Variants in PVT1 observed in about 807,000 individuals in gnomAD.
The protein encoded by PVT1 is Pvt1 oncogene, also known as CXCR4/PVT1 fusion.
At chr8:127,920,101 G>A (rs1816039254) in intron 3 of PVT1, among the ~76,000 whole-genome samples, 1 of 152,182 alleles carries the variant, frequency 6.6e-6, no homozygotes, top group African/African-American at 2.4e-5. Context: ...TGCAGACAGA[G>A]CTTGCCTAGG....
chr8:127,857,153 G>A (rs1432788201), intron 2 of PVT1, among the ~76,000 whole-genome samples: 2 of 152,142 alleles, frequency 1.3e-5, no homozygotes, highest in Non-Finnish European at 2.9e-5. Flanking sequence ...TTGAACATGG[G>A]AGGAAGAAGT....
intron 3 of PVT1, among the ~76,000 whole-genome samples, chr8:127,924,554 C>G (rs893970363): frequency 6.8e-6 from 1 of 146,244 alleles, no homozygotes; most frequent in Non-Finnish European, 1.5e-5. Context: ...CTCTGTTGCC[C>G]AGGCTGGAGT....
chr8:128,003,412 C>T (rs1268212968), intron 4 of PVT1, among the ~76,000 whole-genome samples: 2 of 151,424 alleles, frequency 1.3e-5, no homozygotes, highest in Non-Finnish European at 2.9e-5. Context: ...GTGGAAGGAT[C>T]ATGGCCCACT....
At chr8:128,005,814 C>T (rs145222614) in intron 4 of PVT1, among the ~76,000 whole-genome samples, 256 of 152,126 alleles carry the variant, frequency 1.7e-3, no homozygotes, top group African/African-American at 5.9e-3. Context: ...CTCTAAAAGA[C>T]GTTTCAAGGC....
chr8:128,029,083 TC>T (rs1813358668), intron 4 of PVT1, among the ~76,000 whole-genome samples: 1 of 149,188 alleles, frequency 6.7e-6, no homozygotes, highest in African/African-American at 2.5e-5. Context: ...ACTCAGGTAA[TC>T]CTCCCACCTT....
At chr8:127,796,594 G>A (rs1031749555) in intron 2 of PVT1, among the ~76,000 whole-genome samples, 4 of 152,102 alleles carry the variant, frequency 2.6e-5, no homozygotes, top group Non-Finnish European at 4.4e-5. Flanking sequence ...TGGCAGCTTT[G>A]TCAAGAGATC....
At chr8:127,851,019 T>A (rs77146244) in intron 2 of PVT1, among the ~76,000 whole-genome samples, 10,368 of 148,822 alleles carry the variant, frequency 0.07, 431 homozygotes, top group African/African-American at 0.098. Context: ...AAAAAAAAAT[T>A]AAAAAAAAAT....
rs1408679628 is a variant in PVT1 at position 127,814,107 on chromosome 8, T to A, written n.372+18036T>A. Reference sequence around the variant, plus strand: ...CGCAGATGGGAAATTATTTTTGCACTTTCAGTTGTCCTAAATCTAGAGTTT... The same window carrying A: ...CGCAGATGGGAAATTATTTTTGCACATTCAGTTGTCCTAAATCTAGAGTTT... On this transcript the variant is annotated intron_variant and non_coding_transcript_variant, in intron 2 of 10. Transcript: ENST00000651587. Among the ~76,000 whole-genome samples, 5 of 152,342 alleles carry A rather than the reference T, an allele frequency of 3.3e-5. No homozygotes were observed. The East Asian group carries it at 9.6e-4, about 29-fold the overall frequency.
At chr8:127,858,691 A>G (rs947165409) in intron 2 of PVT1, among the ~76,000 whole-genome samples, 1 of 151,632 alleles carries the variant, frequency 6.6e-6, no homozygotes, top group South Asian at 2.1e-4. Flanking sequence ...GATGGTGGCC[A>G]TTATAGTAGT....
At chr8:127,937,576 C>CAGAGAGAGAGAGAGAGAG (rs774441674) in intron 3 of PVT1, among the ~76,000 whole-genome samples, 38 of 122,534 alleles carry the variant, frequency 3.1e-4, no homozygotes, top group African/African-American at 5.3e-4. Context: ...CACACACACA[C>CAGAGAGAGAGAGAGAGAG]ACACAGAGAG....
chr8:128,095,211 G>A (rs190727715), intron 5 of PVT1, among the ~76,000 whole-genome samples: 204 of 152,320 alleles, frequency 1.3e-3, no homozygotes, highest in Non-Finnish European at 2.2e-3. Flanking sequence ...ATCTGGGCTG[G>A]AATCCCAGCT....
intron 3 of PVT1, among the ~76,000 whole-genome samples, chr8:127,967,677 G>T (rs1465516257): frequency 6.6e-6 from 1 of 152,212 alleles, no homozygotes; most frequent in Admixed American, 6.5e-5. Context: ...AGGACAGCTT[G>T]CCTGGGCAGT....
chr8:128,058,137 ATC>A (rs1256490679), intron 4 of PVT1, among the ~76,000 whole-genome samples: 3 of 152,118 alleles, frequency 2.0e-5, no homozygotes, highest in South Asian at 2.1e-4. Flanking sequence ...TGTCTGTCTC[ATC>A]TCTCTCGATT....
intron 3 of PVT1, among the ~76,000 whole-genome samples, chr8:127,921,503 A>G (rs904611479): frequency 1.3e-5 from 2 of 152,140 alleles, no homozygotes; most frequent in African/African-American, 4.8e-5. Flanking sequence ...AGCAAATTAG[A>G]TCATAGTTTA....
At position 127,985,043 on chromosome 8, in the gene PVT1, T is replaced by TTTC. The variant is rs1219405864; in HGVS notation, n.783-4117_783-4116insCTT. Reference sequence around the variant, plus strand: ...CTTCCTTCCTTCCTTCCTTTCCTTCTTTTTTTTTTTGACAGATTCTCACTC... The same window carrying TTTC: ...CTTCCTTCCTTCCTTCCTTTCCTTCTTTCTTTTTTTTTTGACAGATTCTCACTC... On this transcript the variant is annotated intron_variant and non_coding_transcript_variant, in intron 3 of 10. Transcript: ENST00000651587. Among the ~76,000 whole-genome samples the TTTC allele has an allele frequency of 3.2e-4, 44 of 136,246 alleles. 4 individuals are homozygous for TTTC. The highest frequency in any genetic ancestry group is 2.2e-3 in the Admixed American group (30 of 13,624). The allele number at this position is 136,246 out of a possible 152,430, so 89.4% of individuals were successfully genotyped here.
intron 4 of PVT1, among the ~76,000 whole-genome samples, chr8:127,993,715 G>A (rs1249211105): frequency 1.2e-4 from 19 of 152,230 alleles, no homozygotes; most frequent in Admixed American, 1.2e-3. Flanking sequence ...GAGGAAGAAA[G>A]TATTCCCCTT....
intron 2 of PVT1, among the ~76,000 whole-genome samples, chr8:127,888,719 G>A (rs746738667): frequency 6.6e-5 from 10 of 152,164 alleles, no homozygotes; most frequent in Non-Finnish European, 2.9e-5. Flanking sequence ...CACAGCCAAG[G>A]CCTATGAAGC....
chr8:127,925,691 G>C (rs1156313038), intron 3 of PVT1, among the ~76,000 whole-genome samples: 1 of 151,998 alleles, frequency 6.6e-6, no homozygotes, highest in East Asian at 1.9e-4. Context: ...GCCCAGGCTG[G>C]AGTGCAGTGG....
chr8:127,955,496 A>G (rs371209195), intron 3 of PVT1, among the ~76,000 whole-genome samples: 23 of 152,288 alleles, frequency 1.5e-4, no homozygotes, highest in African/African-American at 5.3e-4. Flanking sequence ...AAATCCATAA[A>G]TAGCTTCATG....
Sources: allele counts gnomAD v4.1 joint callset (sites outside exome capture counted in the v4.1 genomes callset), GRCh38; gene constraint gnomAD v4.1.1; transcripts MANE v1.5; gene names NCBI Gene and HGNC (gene_info 2026-07-23, HGNC 2026-07-21).